PCDHGA5: variants seen among roughly 807,000 people sequenced by gnomAD.
The protein encoded by PCDHGA5 is protocadherin gamma-A5.
PCDHGA5 carries 36 observed loss-of-function variants against 56.7 expected under a neutral mutation model. That is an observed-to-expected ratio of 0.64 (90% CI 0.49 to 0.84). The LOEUF (loss-of-function observed/expected upper bound fraction) is 0.84. Ranked by LOEUF, PCDHGA5 falls within the 40% of genes least tolerant of loss-of-function variation. The probability of loss-of-function intolerance (pLI) is 0.00; values close to 1 mark genes in which losing one functional copy is unlikely to be tolerated. For synonymous variants in PCDHGA5, 563 were observed against 520.2 expected (o/e 1.08, Z -1.12); for missense variants, 1,305 against 1,201.5 (o/e 1.09, Z -1.27).
chr5:141,369,637 T>C (rs976124194), intron 1 of PCDHGA5, among the ~76,000 whole-genome samples: 1 of 152,212 alleles, frequency 6.6e-6, no homozygotes, highest in Admixed American at 6.5e-5. Context: ...CTTTAACTTC[T>C]TTTGGGGGGA....
rs549647263 is a variant in PCDHGA5 at position 141,364,755 on chromosome 5, T to C, written c.425T>C (p.Val142Ala). ...RFRDEELKVK[V>A]NENAAAGTRL... Reference sequence around the variant, plus strand: ...CGGGATGAAGAGTTAAAAGTAAAAGTTAATGAAAATGCGGCTGCAGGGACA... The same window carrying C: ...CGGGATGAAGAGTTAAAAGTAAAAGCTAATGAAAATGCGGCTGCAGGGACA... Residue 142 changes from valine (V) to alanine (A), a missense_variant, in exon 1 of 4, where the codon GTT becomes GCT. Physicochemically the swap from Val to Ala is moderately conservative, Grantham distance 64. Coordinates refer to ENST00000518069, the MANE Select transcript of PCDHGA5 (RefSeq NM_018918.3). The C allele has an allele frequency of 1.7e-5, 27 of 1,613,958 alleles. No homozygotes were observed. The East Asian group carries it at 6.0e-4, about 36-fold the overall frequency.
intron 1 of PCDHGA5, chr5:141,413,112 G>A (rs1589839162): frequency 6.7e-7 from 1 of 1,502,662 alleles, no homozygotes; most frequent in East Asian, 2.3e-5. Flanking sequence ...GAAAGACAAA[G>A]GAACCGGTTG....
At position 141,389,566 on chromosome 5, in the gene PCDHGA5, T is replaced by A. The variant is rs757362223; in HGVS notation, c.2421+22815T>A. On this transcript the variant is annotated intron_variant, in intron 1 of 3. Transcript: ENST00000518069. ...CGCAACGACAATGCGCCACGGGTGC[T>A]GTACCCCGCGCTGGGTCCCGACGGC... The A allele has an allele frequency of 3.2e-5, 52 of 1,613,278 alleles. No homozygotes were observed. The Middle Eastern group carries it at 6.6e-4, about 21-fold the overall frequency.
At chr5:141,371,103 G>A in intron 1 of PCDHGA5, 1 of 1,613,826 alleles carries the variant, frequency 6.2e-7, no homozygotes, top group South Asian at 1.1e-5. Context: ...AGATGCAAAT[G>A]ATAACCCCCC....
At chr5:141,479,084 G>A (rs749298402) in intron 1 of PCDHGA5, among the ~76,000 whole-genome samples, 19 of 152,016 alleles carry the variant, frequency 1.2e-4, no homozygotes, top group Non-Finnish European at 1.9e-4. Flanking sequence ...GAAATTCCAG[G>A]CATCCTTTAA....
At chr5:141,422,705 C>T (rs371027437) in intron 1 of PCDHGA5, 2 of 1,602,706 alleles carry the variant, frequency 1.2e-6, no homozygotes, top group South Asian at 1.1e-5. Context: ...TACTCTCTGA[C>T]GGATGACACT....
intron 1 of PCDHGA5, chr5:141,422,932 C>G: frequency 6.2e-7 from 1 of 1,614,252 alleles, no homozygotes; most frequent in Non-Finnish European, 8.5e-7. Context: ...CCCTGCCCTC[C>G]CCACAGACGG....
At chr5:141,404,123 T>A (rs1477938356) in intron 1 of PCDHGA5, 4 of 1,613,394 alleles carry the variant, frequency 2.5e-6, no homozygotes, top group Admixed American at 1.7e-5. Context: ...GGAGAATCTA[T>A]CTTTTACATT....
At chr5:141,384,897 C>T in intron 1 of PCDHGA5, 4 of 1,613,922 alleles carry the variant, frequency 2.5e-6, no homozygotes, top group Non-Finnish European at 3.4e-6. Context: ...CTGTGGCTGA[C>T]AGCATCCCCG....
Position 141,375,204 on chromosome 5 carries a change from G to A in PCDHGA5, c.2421+8453G>A, listed in dbSNP as rs368044815. 218 of 1,613,850 alleles carry A rather than the reference G, an allele frequency of 1.4e-4. No individual in the cohort carries two copies. The highest frequency in any genetic ancestry group is 1.7e-4 in the Non-Finnish European group (204 of 1,179,898). ...ATCGCCCTTTTTCAAGTGTTCGATC[G>A]AGACTCTGGCCTGAATGGCCTGGTA... On this transcript the variant is annotated intron_variant, in intron 1 of 3. Coordinates refer to ENST00000518069, the MANE Select transcript of PCDHGA5 (RefSeq NM_018918.3).
At position 141,477,754 on chromosome 5, in the gene PCDHGA5, C is replaced by T. The variant is rs1325020341; in HGVS notation, c.2422-17053C>T. The T allele has an allele frequency of 3.7e-6, 6 of 1,613,928 alleles. No homozygotes were observed. Among genetic ancestry groups the T allele is most frequent in the Non-Finnish European group, 5.1e-6 (6 of 1,180,046 alleles). On this transcript the variant is annotated intron_variant, in intron 1 of 3. Coordinates refer to ENST00000518069, the MANE Select transcript of PCDHGA5 (RefSeq NM_018918.3). The surrounding 1 kb of genome is among the most constrained non-coding windows in gnomAD (Gnocchi z 4.9). Reference sequence around the variant, plus strand: ...ATATCAGCGATGGGGGCACCCCGGTCCTAGCCACCAACATCAGCGTGAACA... The same window carrying T: ...ATATCAGCGATGGGGGCACCCCGGTTCTAGCCACCAACATCAGCGTGAACA...
chr5:141,445,115 A>G (rs1038787011), intron 1 of PCDHGA5, among the ~76,000 whole-genome samples: 1 of 152,308 alleles, frequency 6.6e-6, no homozygotes, highest in East Asian at 1.9e-4. Flanking sequence ...GTTATTGTAA[A>G]TAGTATTTTT....
chr5:141,494,752 T>C (rs889400984), intron 1 of PCDHGA5, 55 bp from the exon 2 acceptor site: 18 of 1,612,206 alleles, frequency 1.1e-5, no homozygotes, highest in Non-Finnish European at 1.5e-5. Context: ...GGGGCTCGGG[T>C]GACATTCTAA....
In PCDHGA5 at chr5:141,365,893, C is replaced by G; in HGVS notation, c.1563C>G (p.Asp521Glu). ...TCCTGTATGCTCTGAGATCCTTCGA[C>G]TATGAGCAGTTGAGAGACCTACAGT... Reference protein sequence around the residue: ...TGVLYALRSFDYEQLRDLQLW... With the variant: ...TGVLYALRSFEYEQLRDLQLW... The change falls in exon 1 of 4, where the codon GAC becomes GAG. Residue 521 changes from aspartate (D) to glutamate (E), a missense_variant. Coordinates refer to ENST00000518069, the MANE Select transcript of PCDHGA5 (RefSeq NM_018918.3). The G allele has an allele frequency of 1.9e-6, 3 of 1,614,190 alleles. No individual in the cohort carries two copies. Among genetic ancestry groups the G allele is most frequent in the Admixed American group, 1.7e-5 (1 of 60,018 alleles).
chr5:141,439,162 C>T (rs1422780686), intron 1 of PCDHGA5, among the ~76,000 whole-genome samples: 1 of 149,498 alleles, frequency 6.7e-6, no homozygotes, highest in Non-Finnish European at 1.5e-5. Flanking sequence ...CACTGCACTC[C>T]AGCCTGGGCG....
rs750200042 is a variant in PCDHGA5, at chr5:141,418,821, C to A, written c.2421+52070C>A. On this transcript the variant is annotated intron_variant, in intron 1 of 3. Coordinates refer to ENST00000518069, the MANE Select transcript of PCDHGA5 (RefSeq NM_018918.3). ...GAAAGATATACGATAAACATAGAAG[C>A]AAAAGACCGAGGATCTCTCTCAACA... 8.1e-6 allele frequency: 13 copies of A among 1,613,846 alleles called. 1 individual carries two copies. The highest frequency in any genetic ancestry group is 1.6e-4 in the Middle Eastern group (1 of 6,062).
chr5:141,429,314 C>A (rs1463397731), intron 1 of PCDHGA5, among the ~76,000 whole-genome samples: 2 of 151,722 alleles, frequency 1.3e-5, no homozygotes, highest in Admixed American at 6.6e-5. Flanking sequence ...GTATATAAGG[C>A]TTTTTCTTTA....
intron 1 of PCDHGA5, chr5:141,383,026 T>A (rs767610901): frequency 6.2e-7 from 1 of 1,613,590 alleles, no homozygotes; most frequent in Non-Finnish European, 8.5e-7. Context: ...GGACAAAGGG[T>A]CCTTTGTGGG....
At position 141,372,683 on chromosome 5, in the gene PCDHGA5, C is replaced by T. The variant is rs764987054; in HGVS notation, c.2421+5932C>T. On this transcript the variant is annotated intron_variant, in intron 1 of 3. Coordinates refer to ENST00000518069, the MANE Select transcript of PCDHGA5 (RefSeq NM_018918.3). The stretch of plus-strand genomic sequence containing the variant: ...GTGCTGCCTCACATTCCTCAAACAC[C>T]GAGTTTAAATTTCTCAATATAAAGG... The T allele has an allele frequency of 1.9e-6, 3 of 1,613,826 alleles. No homozygotes were observed. In the African/African-American group the frequency reaches 4.0e-5, roughly 22 times the overall value.
Sources: allele counts gnomAD v4.1 joint callset (sites outside exome capture counted in the v4.1 genomes callset), GRCh38; gene constraint gnomAD v4.1.1; non-coding constraint Gnocchi (gnomAD v3.1); transcripts MANE v1.5; gene names NCBI Gene and HGNC (gene_info 2026-07-23, HGNC 2026-07-21).